The following NXPE4 variants were observed in gnomAD, a reference collection of about 807,000 sequenced individuals.
NXPE4 encodes the protein neurexophilin and PC-esterase domain family member 4.
In NXPE4, 42 loss-of-function variants were observed where a neutral mutation model predicts 33.3. The observed-to-expected ratio is 1.26, with a 90% CI of 0.98 to 1.63. The LOEUF (loss-of-function observed/expected upper bound fraction) is 1.63. Among genes scored for constraint, NXPE4 ranks in the 40% most tolerant of loss-of-function variants. NXPE4 has a pLI of 0.00. For missense variants in NXPE4, 709 were observed against 647.6 expected, an observed-to-expected ratio of 1.09 and a Z score of -1.03; for synonymous variants, 253 against 234.9, an observed-to-expected ratio of 1.08 and a Z score of -0.71.
the NXPE4 span, among the ~76,000 whole-genome samples, chr11:114,656,954 C>T: frequency 7.9e-5 from 12 of 151,986 alleles, no homozygotes; most frequent in African/African-American, 2.4e-4. Context: ...ATTAGCCAGG[C>T]GTGGTGGTGG....
chr11:114,584,330 T>C, intron 2 of NXPE4: 1 of 481,312 alleles, frequency 2.1e-6, no homozygotes. Flanking sequence ...AATGAGTACC[T>C]GGAGAAGATT....
At chr11:114,602,415 CAT>C in the NXPE4 span, among the ~76,000 whole-genome samples, 5 of 129,770 alleles carry the variant, frequency 3.9e-5, no homozygotes, top group East Asian at 1.1e-3. Flanking sequence ...CACTATTGAA[CAT>C]ATCAATAAAT....
the NXPE4 span, among the ~76,000 whole-genome samples, chr11:114,620,799 G>A: frequency 6.6e-6 from 1 of 151,916 alleles, no homozygotes; most frequent in Non-Finnish European, 1.5e-5. Flanking sequence ...AATAAGTGTT[G>A]CCTCAGGGGA....
the NXPE4 span, among the ~76,000 whole-genome samples, chr11:114,622,598 A>G: frequency 3.8e-5 from 5 of 132,710 alleles, no homozygotes; most frequent in East Asian, 2.4e-4. Flanking sequence ...AATAAGCATT[A>G]CCTCGTGGGT....
the NXPE4 span, among the ~76,000 whole-genome samples, chr11:114,654,680 A>G: frequency 6.6e-6 from 1 of 152,162 alleles, no homozygotes; most frequent in East Asian, 1.9e-4. Context: ...ATAGTATTCC[A>G]TGGTGTATAT....
intron 2 of NXPE4, among the ~76,000 whole-genome samples, chr11:114,592,148 A>T (rs1393972974): frequency 6.6e-6 from 1 of 152,212 alleles, no homozygotes; most frequent in Non-Finnish European, 1.5e-5. Context: ...GTTTTATTCA[A>T]CATAGTATTG....
chr11:114,600,817 C>A, the NXPE4 span, among the ~76,000 whole-genome samples: 1 of 152,032 alleles, frequency 6.6e-6, no homozygotes, highest in African/African-American at 2.4e-5. Flanking sequence ...CTGATGCTGG[C>A]TGAAGGATAT....
chr11:114,637,803 C>G, the NXPE4 span, among the ~76,000 whole-genome samples: 1 of 152,046 alleles, frequency 6.6e-6, no homozygotes, highest in African/African-American at 2.4e-5. Flanking sequence ...CCACTCTCTT[C>G]TGGCTTGTAG....
At chr11:114,664,366 T>C in the NXPE4 span, among the ~76,000 whole-genome samples, 19 of 152,138 alleles carry the variant, frequency 1.2e-4, no homozygotes, top group Non-Finnish European at 2.1e-4. Flanking sequence ...CAAAGGTGTA[T>C]AAGTAAAGTT....
the NXPE4 span, among the ~76,000 whole-genome samples, chr11:114,601,340 G>A: frequency 0.18 from 26,420 of 146,498 alleles, 2,738 homozygotes; most frequent in Non-Finnish European, 0.22. Context: ...GAGAATATGT[G>A]GTATTTGGTT....
the NXPE4 span, among the ~76,000 whole-genome samples, chr11:114,620,484 CG>C: frequency 6.6e-6 from 1 of 151,890 alleles, no homozygotes; most frequent in Non-Finnish European, 1.5e-5. Context: ...CACTGTTGCC[CG>C]GTGGATAATA....
the NXPE4 span, among the ~76,000 whole-genome samples, chr11:114,612,518 G>A: frequency 2.6e-5 from 4 of 151,712 alleles, no homozygotes; most frequent in Non-Finnish European, 5.9e-5. Context: ...TTCCTCGGGG[G>A]TAACCACTGT....
At chr11:114,664,450 A>C in the NXPE4 span, among the ~76,000 whole-genome samples, 2 of 125,274 alleles carry the variant, frequency 1.6e-5, no homozygotes, top group Non-Finnish European at 3.8e-5. Context: ...AACTGTAAAC[A>C]AAAAAAAATA....
chr11:114,602,081 TTTA>T, the NXPE4 span, among the ~76,000 whole-genome samples: 1 of 97,518 alleles, frequency 1.0e-5, no homozygotes, highest in Non-Finnish European at 1.8e-5. Flanking sequence ...TATTCTATAT[TTTA>T]TTATATATAA....
At chr11:114,591,165 T>G (rs867077414) in intron 2 of NXPE4, among the ~76,000 whole-genome samples, 19 of 152,348 alleles carry the variant, frequency 1.2e-4, no homozygotes, top group Non-Finnish European at 1.9e-4. Flanking sequence ...ATGATGTTAT[T>G]GAAAGTGCAC....
chr11:114,621,708 G>A, the NXPE4 span, among the ~76,000 whole-genome samples: 1 of 152,104 alleles, frequency 6.6e-6, no homozygotes, highest in African/African-American at 2.4e-5. Flanking sequence ...GTTACTCAGT[G>A]GATCATAATG....
At chr11:114,674,611 G>T in the NXPE4 span, among the ~76,000 whole-genome samples, 1 of 151,002 alleles carries the variant, frequency 6.6e-6, no homozygotes, top group Non-Finnish European at 1.5e-5. Flanking sequence ...AAGACAACAA[G>T]AGAGAAAGAA....
the NXPE4 span, among the ~76,000 whole-genome samples, chr11:114,637,963 A>C: frequency 6.6e-6 from 1 of 151,560 alleles, no homozygotes; most frequent in African/African-American, 2.4e-5. Context: ...CTTCTCGAGG[A>C]GTATCTTTGT....
chr11:114,639,476 G>C, the NXPE4 span, among the ~76,000 whole-genome samples: 1 of 151,374 alleles, frequency 6.6e-6, no homozygotes, highest in Non-Finnish European at 1.5e-5. Context: ...TGCCCCCACT[G>C]TCCTGTGCCC....
Sources: allele counts gnomAD v4.1 joint callset (sites outside exome capture counted in the v4.1 genomes callset), GRCh38; gene constraint gnomAD v4.1.1; transcripts MANE v1.5; gene names NCBI Gene and HGNC (gene_info 2026-07-23, HGNC 2026-07-21).